Variants in PARD3 observed in about 807,000 individuals in gnomAD.
The protein encoded by PARD3 is par-3 family cell polarity regulator, also known as partitioning defective 3 homolog.
PARD3 carries 75 observed loss-of-function variants against 155.4 expected under a neutral mutation model. That is an observed-to-expected ratio of 0.48 (90% CI 0.40 to 0.58). The LOEUF is 0.58. PARD3 is among the 20% of genes least tolerant of loss of function. The pLI is 0.00. For missense variants in PARD3, 1,642 were observed against 1,721.7 expected (o/e 0.95, Z 0.82); for synonymous variants, 576 against 610.5 (o/e 0.94, Z 0.83).
chr10:34,380,014 C>A (rs547619580), intron 9 of PARD3, among the ~76,000 whole-genome samples: 41 of 152,110 alleles, frequency 2.7e-4, no homozygotes, highest in Non-Finnish European at 5.3e-4. Context: ...TGAACTGAAT[C>A]TGAAGTTTAA....
At chr10:34,516,488 C>T (rs533800088) in intron 3 of PARD3, among the ~76,000 whole-genome samples, 31 of 152,274 alleles carry the variant, frequency 2.0e-4, no homozygotes, top group African/African-American at 7.2e-4. Flanking sequence ...TGTCCATATT[C>T]CCCTTCCCTA....
chr10:34,577,548 C>T (rs758120663), intron 2 of PARD3, among the ~76,000 whole-genome samples: 3 of 152,158 alleles, frequency 2.0e-5, no homozygotes, highest in Non-Finnish European at 4.4e-5. Context: ...AGAATGAATC[C>T]GATTTGAATG....
intron 1 of PARD3, among the ~76,000 whole-genome samples, chr10:34,758,956 T>C (rs1182800866): frequency 6.6e-6 from 1 of 151,990 alleles, no homozygotes; most frequent in South Asian, 2.1e-4. Context: ...ACAAAGACTA[T>C]GACATGGAGG....
chr10:34,646,803 G>A (rs1359370809), intron 2 of PARD3, among the ~76,000 whole-genome samples: 2 of 152,130 alleles, frequency 1.3e-5, no homozygotes, highest in Non-Finnish European at 2.9e-5. Flanking sequence ...AGCCTCCCAA[G>A]CAGCTGGGAC....
At chr10:34,568,448 T>A (rs774423492) in intron 2 of PARD3, among the ~76,000 whole-genome samples, 20 of 152,204 alleles carry the variant, frequency 1.3e-4, no homozygotes, top group Non-Finnish European at 2.6e-4. Flanking sequence ...GAAAGAAAAC[T>A]GGTCTCTTTG....
At chr10:34,373,590 G>A (rs931211397) in intron 11 of PARD3, among the ~76,000 whole-genome samples, 13 of 151,804 alleles carry the variant, frequency 8.6e-5, no homozygotes, top group South Asian at 2.1e-4. Flanking sequence ...GGATCAGGTG[G>A]CATTTTAAGC....
chr10:34,359,518 T>C (rs894841669), intron 13 of PARD3, among the ~76,000 whole-genome samples: 1 of 152,156 alleles, frequency 6.6e-6, no homozygotes, highest in Non-Finnish European at 1.5e-5. Context: ...ATTTCAATCA[T>C]TTATACATTT....
chr10:34,360,081 G>C lies in PARD3; in HGVS notation c.1886C>G (p.Ala629Gly). 6.2e-7 allele frequency: 1 copy of C among 1,613,220 alleles called. No individual in the cohort carries two copies. The highest frequency in any genetic ancestry group is 2.2e-5 in the East Asian group (1 of 44,858). Residue 629 changes from alanine (A) to glycine (G), a missense_variant, in exon 13 of 25, where the codon GCA (alanine) becomes GGA (glycine). Physicochemically the swap from Ala to Gly is moderately conservative, Grantham distance 60. Transcript: ENST00000374788. The stretch of plus-strand genomic sequence containing the variant: ...AAAGTTGACACTCACTTTAGATGCT[G>C]CTCCTCCATTAATAATGGACTTGAC... Reference protein sequence around the residue: ...IFVKSIINGGAASKDGRLRVN... With the variant: ...IFVKSIINGGGASKDGRLRVN...
intron 5 of PARD3, among the ~76,000 whole-genome samples, chr10:34,428,763 A>AT (rs1477851422): frequency 6.6e-6 from 1 of 152,106 alleles, no homozygotes; most frequent in African/African-American, 2.4e-5. Flanking sequence ...TGTAAGAACT[A>AT]TTTTTTTCCT....
intron 2 of PARD3, among the ~76,000 whole-genome samples, chr10:34,526,617 G>T (rs2082502487): frequency 6.6e-6 from 1 of 152,166 alleles, no homozygotes; most frequent in Admixed American, 6.5e-5. Flanking sequence ...TACCTCTTCA[G>T]CTAGCTGGAT....
intron 9 of PARD3, 72 bp downstream of exon 9, chr10:34,382,468 A>ATTCCAT: frequency 6.7e-7 from 1 of 1,496,458 alleles, no homozygotes; most frequent in Non-Finnish European, 9.0e-7. Context: ...TTTAAAATAA[A>ATTCCAT]TTCCATTTCT....
intron 2 of PARD3, among the ~76,000 whole-genome samples, chr10:34,654,074 A>T (rs2133081138): frequency 1.3e-5 from 2 of 152,270 alleles, no homozygotes; most frequent in South Asian, 4.1e-4. Context: ...AATTGCTTGA[A>T]TATTAAACTG....
intron 15 of PARD3, chr10:34,346,582 T>C: frequency 9.0e-7 from 1 of 1,117,160 alleles, no homozygotes; most frequent in Non-Finnish European, 1.2e-6. Context: ...TAAAGATTTA[T>C]ACCAAAGCCA....
intron 19 of PARD3, among the ~76,000 whole-genome samples, chr10:34,318,196 G>C (rs1178369179): frequency 6.6e-6 from 1 of 152,174 alleles, no homozygotes; most frequent in African/African-American, 2.4e-5. Flanking sequence ...ACAAGTAACT[G>C]AAGTAAGTCT....
rs1455279949 is a variant in PARD3 at position 34,236,996 on chromosome 10, G to A, written c.3419+32661C>T. On this transcript the variant is annotated intron_variant, in intron 22 of 24. Coordinates refer to ENST00000374788, the MANE Select transcript of PARD3 (RefSeq NM_001184785.2). ...ACAAAAAGAGTGTTTAAATTTATCC[G>A]AATAACAGAGAAGCTGTAACGGACA... is the stretch of plus-strand genomic sequence containing the variant. Among the ~76,000 whole-genome samples, 5 of 152,186 alleles carry A rather than the reference G, an allele frequency of 3.3e-5. No individual in the cohort carries two copies. The East Asian group carries it at 7.7e-4, about 24-fold the overall frequency.
chr10:34,115,111 C>T (rs540466505), intron 24 of PARD3, among the ~76,000 whole-genome samples: 7 of 152,080 alleles, frequency 4.6e-5, no homozygotes, highest in Non-Finnish European at 1.0e-4. Context: ...ATGAGGGGGA[C>T]ACAGACAGAA....
chr10:34,695,915 CT>C (rs1344478538), intron 2 of PARD3, among the ~76,000 whole-genome samples: 1 of 152,200 alleles, frequency 6.6e-6, no homozygotes, highest in Non-Finnish European at 1.5e-5. Context: ...TGGGATGGAT[CT>C]TCTCAGGGCC....
chr10:34,575,684 T>C (rs2086825409), intron 2 of PARD3, among the ~76,000 whole-genome samples: 1 of 152,076 alleles, frequency 6.6e-6, no homozygotes, highest in Non-Finnish European at 1.5e-5. Context: ...TCACCTAAGG[T>C]CAGGAGTTCG....
intron 18 of PARD3, among the ~76,000 whole-genome samples, chr10:34,333,898 G>A (rs965058406): frequency 2.0e-5 from 3 of 151,810 alleles, no homozygotes; most frequent in Non-Finnish European, 4.4e-5. Context: ...ATTTCTCAGC[G>A]AAGTTATTAA....
Sources: allele counts gnomAD v4.1 joint callset (sites outside exome capture counted in the v4.1 genomes callset), GRCh38; gene constraint gnomAD v4.1.1; transcripts MANE v1.5; gene names NCBI Gene and HGNC (gene_info 2026-07-23, HGNC 2026-07-21).